Variants in LINGO2 observed in about 807,000 individuals in gnomAD.
The protein encoded by LINGO2 is leucine-rich repeat and immunoglobulin-like domain-containing nogo receptor-interacting protein 2.
Under a neutral mutation model 30.6 loss-of-function variants are expected in LINGO2, and 14 were observed. The ratio of observed to expected loss-of-function variants is 0.46; its 90% CI spans 0.30 to 0.72. The LOEUF is 0.72. Among genes scored for constraint, LINGO2 ranks in the 30% least tolerant of loss-of-function variants. The probability of loss-of-function intolerance (pLI) is 0.07; values close to 1 mark genes in which losing one functional copy is unlikely to be tolerated. For synonymous variants in LINGO2, 317 were observed against 288.5 expected (o/e 1.10, Z -1.00); for missense variants, 729 against 751.7 (o/e 0.97, Z 0.35).
intron 2 of LINGO2, among the ~76,000 whole-genome samples, chr9:28,443,347 T>A (rs543705590): frequency 6.6e-6 from 1 of 152,246 alleles, no homozygotes; most frequent in South Asian, 2.1e-4. Context: ...TGGGGAGGCA[T>A]GGCTGGGGCT....
intron 3 of LINGO2, among the ~76,000 whole-genome samples, chr9:28,364,522 T>G (rs1438425860): frequency 6.6e-6 from 1 of 152,166 alleles, no homozygotes; most frequent in East Asian, 1.9e-4. Flanking sequence ...GCACCTGCCA[T>G]TTTATATAGC....
At chr9:27,948,885 G>A (rs1823475748) in exon 6 of LINGO2, 1 of 1,613,112 alleles carries the variant, frequency 6.2e-7, no homozygotes. Flanking sequence ...CCTGGGTCCA[G>A]CTACCTCCCC....
chr9:28,106,238 T>C (rs1826588699), intron 4 of LINGO2, among the ~76,000 whole-genome samples: 1 of 152,140 alleles, frequency 6.6e-6, no homozygotes, highest in South Asian at 2.1e-4. Flanking sequence ...ACTGCTGGTT[T>C]AAATCACCCA....
chr9:28,305,862 G>C (rs1824329600), intron 3 of LINGO2, among the ~76,000 whole-genome samples: 2 of 152,052 alleles, frequency 1.3e-5, no homozygotes, highest in South Asian at 4.1e-4. Flanking sequence ...CCTTGTCAAA[G>C]TCAGCCACAC....
chr9:28,394,982 T>C (rs1821981091), intron 2 of LINGO2, among the ~76,000 whole-genome samples: 1 of 152,248 alleles, frequency 6.6e-6, no homozygotes, highest in Non-Finnish European at 1.5e-5. Context: ...CCATTTGGCA[T>C]GAGGCCATTG....
intron 5 of LINGO2, among the ~76,000 whole-genome samples, chr9:27,975,388 G>C (rs1053962436): frequency 6.6e-5 from 10 of 151,988 alleles, no homozygotes; most frequent in African/African-American, 2.2e-4. Flanking sequence ...TCCAAAGGGT[G>C]GGGTAAATGG....
chr9:28,540,216 T>C (rs1426967177), intron 1 of LINGO2, among the ~76,000 whole-genome samples: 4 of 151,812 alleles, frequency 2.6e-5, no homozygotes, highest in African/African-American at 9.7e-5. Flanking sequence ...CATTTTTCAG[T>C]TCATTTTTTT....
At chr9:28,567,114 A>AT (rs1269901557) in intron 1 of LINGO2, among the ~76,000 whole-genome samples, 2 of 152,202 alleles carry the variant, frequency 1.3e-5, no homozygotes, top group South Asian at 4.1e-4. Context: ...TATAGTCAGA[A>AT]TTTTTTTGCA....
chr9:28,217,140 A>G lies in LINGO2; in HGVS notation c.-87+78068T>C, dbSNP rs143309954. 4.0e-5 allele frequency among the ~76,000 whole-genome samples: 6 copies of G among 150,320 alleles called. No individual in the cohort carries two copies. The East Asian group carries it at 1.2e-3, about 29-fold the overall frequency. On this transcript the variant is annotated intron_variant, in intron 4 of 5. Coordinates refer to ENST00000379992, the Ensembl canonical transcript of LINGO2. ...CTAAATGTATACATATAATATAAATAATACTACATATTATATACTGTATAT... is the reference window on the plus strand; with the variant it reads ...CTAAATGTATACATATAATATAAATGATACTACATATTATATACTGTATAT...
chr9:28,202,430 C>G (rs921264216), intron 4 of LINGO2, among the ~76,000 whole-genome samples: 2 of 152,084 alleles, frequency 1.3e-5, no homozygotes, highest in African/African-American at 2.4e-5. Context: ...AGTTTACCAG[C>G]CATACCTCCC....
chr9:28,714,784 T>C, the LINGO2 span, among the ~76,000 whole-genome samples: 1 of 152,248 alleles, frequency 6.6e-6, no homozygotes, highest in Non-Finnish European at 1.5e-5. Context: ...TAATTGTTTA[T>C]TATAGTTACT....
intron 4 of LINGO2, among the ~76,000 whole-genome samples, chr9:28,266,887 A>C (rs1025382989): frequency 1.3e-5 from 2 of 152,134 alleles, no homozygotes; most frequent in Admixed American, 6.6e-5. Context: ...ATTATTCCAC[A>C]TCACAGGACA....
rs150234490 is a variant in LINGO2 at position 27,966,366 on chromosome 9, T to C, written c.-35-15660A>G. ...AAGCTATGAAATACATGCCTCAATA[T>C]ACACCACGGAATACTATGCAGCCAT... On this transcript the variant is annotated intron_variant, in intron 5 of 5. Coordinates refer to ENST00000379992, the Ensembl canonical transcript of LINGO2. Among the ~76,000 whole-genome samples the C allele has an allele frequency of 3.3e-3, 497 of 152,264 alleles. 2 individuals carry two copies. The highest frequency in any genetic ancestry group is 5.1e-3 in the Admixed American group (78 of 15,286).
chr9:28,056,130 C>G (rs911925503), intron 4 of LINGO2, among the ~76,000 whole-genome samples: 1 of 152,144 alleles, frequency 6.6e-6, no homozygotes, highest in Non-Finnish European at 1.5e-5. Flanking sequence ...ACCGCCCTTC[C>G]TATTTATTGT....
At chr9:28,486,502 T>A (rs1826169276) in intron 1 of LINGO2, among the ~76,000 whole-genome samples, 1 of 152,198 alleles carries the variant, frequency 6.6e-6, no homozygotes, top group South Asian at 2.1e-4. Flanking sequence ...CAGTGCCTTA[T>A]ATTTTCCAAA....
chr9:28,526,338 G>A (rs545723185), intron 1 of LINGO2, among the ~76,000 whole-genome samples: 1 of 152,200 alleles, frequency 6.6e-6, no homozygotes, highest in African/African-American at 2.4e-5. Flanking sequence ...GTTTGCATCA[G>A]GCTTCTCAAC....
chr9:28,468,498 A>G (rs1486536223), intron 2 of LINGO2, among the ~76,000 whole-genome samples: 3 of 152,158 alleles, frequency 2.0e-5, no homozygotes, highest in Non-Finnish European at 2.9e-5. Flanking sequence ...TGAAGGTAAG[A>G]GATTATTGGG....
intron 3 of LINGO2, among the ~76,000 whole-genome samples, chr9:28,315,322 T>A (rs1824800945): frequency 6.6e-6 from 1 of 151,486 alleles, no homozygotes; most frequent in Non-Finnish European, 1.5e-5. Context: ...GAGAATTTCT[T>A]AACCCGGAGG....
chr9:28,100,454 A>G (rs1826380301), intron 4 of LINGO2, among the ~76,000 whole-genome samples: 1 of 152,190 alleles, frequency 6.6e-6, no homozygotes, highest in Non-Finnish European at 1.5e-5. Flanking sequence ...GGAGATTTGA[A>G]CAATGTTATG....
Sources: gnomAD v4.1 joint callset for allele counts (sites outside exome capture counted in the v4.1 genomes callset) on GRCh38, gnomAD v4.1.1 for gene constraint, MANE v1.5 for transcripts, NCBI Gene and HGNC (gene_info 2026-07-23, HGNC 2026-07-21) for gene names.